Variants in FLCN observed in about 807,000 individuals in gnomAD.
FLCN encodes folliculin, also known as BHD skin lesion fibrofolliculoma protein.
A neutral mutation model predicts 62.5 loss-of-function variants in FLCN; 22 were observed. The ratio of observed to expected loss-of-function variants is 0.35; its 90% CI spans 0.25 to 0.50. The LOEUF (loss-of-function observed/expected upper bound fraction) is 0.50, where lower values mean the gene tolerates loss of function less well. Ranked by LOEUF, FLCN falls within the 20% of genes least tolerant of loss-of-function variation. The pLI, the probability that FLCN is intolerant of heterozygous loss-of-function variation, is 0.97. For synonymous variants in FLCN, 319 were observed against 310.0 expected (o/e 1.03, Z -0.30); for missense variants, 657 against 778.0 (o/e 0.84, Z 1.85).
At position 17,226,368 on chromosome 17, in the gene FLCN, C is replaced by A. The variant is rs560788586; in HGVS notation, c.250-46G>T. 97 of 1,611,580 alleles carry A rather than the reference C, an allele frequency of 6.0e-5. 2 individuals are homozygous for A. The South Asian group carries it at 7.0e-4, about 12-fold the overall frequency. On this transcript the variant is annotated intron_variant, in intron 4 of 13. Coordinates refer to ENST00000285071, the MANE Select transcript of FLCN (RefSeq NM_144997.7). The stretch of plus-strand genomic sequence containing the variant: ...TAAATCTGTTAGTTGGGAAGCAGGG[C>A]GACAAACTCTCTTAGGTTTATGCAA...
chr17:17,234,752 C>T (rs968926219), intron 1 of FLCN, among the ~76,000 whole-genome samples: 3 of 150,798 alleles, frequency 2.0e-5, no homozygotes, highest in African/African-American at 4.9e-5. Flanking sequence ...CCGAGGCAGG[C>T]GGACCACGAG....
Position 17,223,912 on chromosome 17 carries a change from C to A in FLCN, c.618+10G>T. On this transcript the variant is annotated intron_variant, in intron 6 of 13. Coordinates refer to ENST00000285071, the MANE Select transcript of FLCN (RefSeq NM_144997.7). ...CCCCTGCCGCCCCGGCACCTCATCT[C>A]TGAATTCACCTTGAGCGCCTTGCCC... 2 of 1,613,238 alleles carry A rather than the reference C, an allele frequency of 1.2e-6. No individual in the cohort carries two copies. The highest frequency in any genetic ancestry group is 1.1e-5 in the South Asian group (1 of 91,068).
chr17:17,216,344 G>A lies in FLCN; in HGVS notation c.1300+36C>T, dbSNP rs747151535. On this transcript the variant is annotated intron_variant, in intron 11 of 13. Transcript: ENST00000285071. This position sits in a 1 kb window ranked among gnomAD's most constrained non-coding sequence, Gnocchi z 4.0. ...GGCCTGAGGCGTGGGGAACCTCAGC[G>A]CAGGGCATGGCCCCACAGCCCGCGG... 1.6e-4 allele frequency: 251 copies of A among 1,611,694 alleles called. 1 individual carries two copies. Among genetic ancestry groups the A allele is most frequent in the Non-Finnish European group, 2.0e-4 (230 of 1,179,056 alleles).
chr17:17,224,001 A>G lies in FLCN; in HGVS notation c.539T>C (p.Ile180Thr). The change falls in exon 6 of 14, where the codon ATC (isoleucine) becomes ACC (threonine). Residue 180 changes from isoleucine (I) to threonine (T), a missense_variant. Transcript: ENST00000285071. ...YSIITIMMDR[I>T]YLINSWPFLL... ...GAAGGGCCAGGAGTTGATGAGGTAG[A>G]TCCGGTCCATCATGATGGTGATGAT... 1 of 1,613,732 alleles carries G rather than the reference A, an allele frequency of 6.2e-7. No homozygotes were observed. The highest frequency in any genetic ancestry group is 8.5e-7 in the Non-Finnish European group (1 of 1,180,036).
rs764899882 is a variant in FLCN at position 17,213,773 on chromosome 17, G to A, written c.1622C>T (p.Ala541Val). 10 of 1,614,106 alleles carry A rather than the reference G, an allele frequency of 6.2e-6. No individual in the cohort carries two copies. The highest frequency in any genetic ancestry group is 2.2e-5 in the South Asian group (2 of 91,092). ...DTQKLLSILG[A>V]SEEDNVKLLK... ...CAGCTTGACATTGTCCTCCTCGGAC[G>A]CACCCAGGATGCTCAGCAGCTTCTG... is the stretch of plus-strand genomic sequence containing the variant. Residue 541 changes from alanine to valine, a missense_variant, in exon 14 of 14, where the codon GCG becomes GTG. Coordinates refer to ENST00000285071, the MANE Select transcript of FLCN (RefSeq NM_144997.7).
rs780571501 is a variant in FLCN at position 17,216,420 on chromosome 17, G to A, written c.1260C>T (p.Leu420=). Residue 420 remains leucine (L), a synonymous_variant, in exon 11 of 14, where the codon CTC becomes CTT. Coordinates refer to ENST00000285071, the MANE Select transcript of FLCN (RefSeq NM_144997.7). This position sits in a 1 kb window ranked among gnomAD's most constrained non-coding sequence, Gnocchi z 4.0. ...GGGGGGGGATCTGCACGTGCGGGCT[G>A]AGCCCCAGGAAGTTGCACCGATAGG... ...EEAYRCNFLG[L]SPHVQIPPHV... 2.5e-6 allele frequency: 4 copies of A among 1,613,810 alleles called. No homozygotes were observed. In the Admixed American group the frequency reaches 6.7e-5, roughly 27 times the overall value.
chr17:17,227,584 G>T (rs527820714), intron 4 of FLCN, among the ~76,000 whole-genome samples: 1 of 152,134 alleles, frequency 6.6e-6, no homozygotes, highest in Non-Finnish European at 1.5e-5. Flanking sequence ...GTGGTGGCAG[G>T]CAAGTGTAAT....
chr17:17,234,214 G>GTT (rs1436629658), intron 1 of FLCN, among the ~76,000 whole-genome samples: 23 of 125,300 alleles, frequency 1.8e-4, no homozygotes, highest in East Asian at 7.1e-4. Flanking sequence ...TTTTTTTTTG[G>GTT]TTTGTTTTTT....
At chr17:17,230,892 G>T (rs938359459) in intron 3 of FLCN, among the ~76,000 whole-genome samples, 82 of 151,762 alleles carry the variant, frequency 5.4e-4, no homozygotes. Flanking sequence ...GTGAGACTTC[G>T]TCTCGAAAAA....
Position 17,213,755 on chromosome 17 carries a change from A to G in FLCN, c.1640T>C (p.Val547Ala). The G allele has an allele frequency of 6.2e-7, 1 of 1,614,216 alleles. No homozygotes were observed. The highest frequency in any genetic ancestry group is 8.5e-7 in the Non-Finnish European group (1 of 1,180,034). The stretch of plus-strand genomic sequence containing the variant: ...AGTCATCCAGAACTTCAGCAGCTTG[A>G]CATTGTCCTCCTCGGACGCACCCAG... ...SILGASEEDN[V>A]KLLKFWMTGL... Residue 547 changes from valine (V) to alanine (A), a missense_variant, in exon 14 of 14, where the codon GTC becomes GCC. Coordinates refer to ENST00000285071, the MANE Select transcript of FLCN (RefSeq NM_144997.7).
At chr17:17,226,911 G>T (rs2047267593) in intron 4 of FLCN, among the ~76,000 whole-genome samples, 1 of 152,200 alleles carries the variant, frequency 6.6e-6, no homozygotes, top group African/African-American at 2.4e-5. Flanking sequence ...CCCTGGAGCT[G>T]CTCCTACCCC....
chr17:17,216,362 G>A lies in FLCN; in HGVS notation c.1300+18C>T, dbSNP rs762556938. 12 of 1,612,780 alleles carry A rather than the reference G, an allele frequency of 7.4e-6. No homozygotes were observed. Among genetic ancestry groups the A allele is most frequent in the Non-Finnish European group, 1.0e-5 (12 of 1,179,524 alleles). ...CCTCAGCGCAGGGCATGGCCCCACA[G>A]CCCGCGGGGGCACGCACCTGAGGAG... is the stretch of plus-strand genomic sequence containing the variant. On this transcript the variant is annotated intron_variant, in intron 11 of 13. Coordinates refer to ENST00000285071, the MANE Select transcript of FLCN (RefSeq NM_144997.7). The surrounding 1 kb of genome is among the most constrained non-coding windows in gnomAD (Gnocchi z 4.0).
chr17:17,216,969 T>A lies in FLCN; in HGVS notation c.1176+100A>T. The A allele has an allele frequency of 1.1e-6, 1 of 879,032 alleles. No individual in the cohort carries two copies. 54.5% of individuals were successfully genotyped at this position (879,032 alleles called of 1,614,324 possible). ...TGGAGACCGTGTGGTGCACAGCGGT[T>A]CTGTGCTGGGCAGTCGGTGCACCTT... On this transcript the variant is annotated intron_variant, in intron 10 of 13. Transcript: ENST00000285071. The surrounding 1 kb of genome is among the most constrained non-coding windows in gnomAD (Gnocchi z 4.0).
chr17:17,227,633 C>T (rs2047291444), intron 4 of FLCN, among the ~76,000 whole-genome samples: 1 of 152,140 alleles, frequency 6.6e-6, no homozygotes, highest in Non-Finnish European at 1.5e-5. Context: ...ATTGCTTGAA[C>T]CCGGGAGGCA....
intron 5 of FLCN, chr17:17,224,566 G>A (rs1422137848): frequency 1.2e-5 from 4 of 322,296 alleles, no homozygotes; most frequent in Admixed American, 9.4e-5. Context: ...ATGGAGTCTC[G>A]CTCTTGTCAC....
At chr17:17,232,110 C>T (rs952000202) in intron 2 of FLCN, among the ~76,000 whole-genome samples, 23 of 152,162 alleles carry the variant, frequency 1.5e-4, no homozygotes, top group African/African-American at 5.3e-4. Context: ...GCCCTGAGAA[C>T]TCAGCAAAGA....
intron 9 of FLCN, 48 bp downstream of exon 9, chr17:17,218,971 A>T (rs1222883340): frequency 2.5e-6 from 4 of 1,603,520 alleles, no homozygotes; most frequent in Non-Finnish European, 3.4e-6. Flanking sequence ...ACAGCCCATG[A>T]CTGGCTCTCC....
rs1352297460 is a variant in FLCN at position 17,216,461 on chromosome 17, T to A, written c.1219A>T (p.Ser407Cys). Residue 407 changes from serine (S) to cysteine (C), a missense_variant, in exon 11 of 14, where the codon AGC becomes TGC. By Grantham distance (112) the Ser-to-Cys change is moderately radical (BLOSUM62 -1). Transcript: ENST00000285071. This position sits in a 1 kb window ranked among gnomAD's most constrained non-coding sequence, Gnocchi z 4.0. ...CACCGATAGGCCTCCTCGTACTGGC[T>A]GCTGTATGGGATGATGCGGACGCAG... ...VGCVRIIPYS[S>C]QYEEAYRCNF... The A allele has an allele frequency of 6.2e-7, 1 of 1,613,924 alleles. No homozygotes were observed.
At position 17,216,410 on chromosome 17, in the gene FLCN, C is replaced by T. The variant is rs1264775833; in HGVS notation, c.1270G>A (p.Val424Met). ...RCNFLGLSPH[V>M]QIPPHVLSSE... ...GAGAGCACGTGGGGGGGGATCTGCA[C>T]GTGCGGGCTGAGCCCCAGGAAGTTG... Residue 424 changes from valine (V) to methionine (M), a missense_variant, in exon 11 of 14, where the codon GTG (valine) becomes ATG (methionine). Coordinates refer to ENST00000285071, the MANE Select transcript of FLCN (RefSeq NM_144997.7). The surrounding 1 kb of genome is among the most constrained non-coding windows in gnomAD (Gnocchi z 4.0). The T allele has an allele frequency of 2.5e-6, 4 of 1,613,730 alleles. No homozygotes were observed. Among genetic ancestry groups the T allele is most frequent in the African/African-American group, 1.3e-5 (1 of 75,042 alleles).
Sources: allele counts gnomAD v4.1 joint callset (sites outside exome capture counted in the v4.1 genomes callset), GRCh38; gene constraint gnomAD v4.1.1; non-coding constraint Gnocchi (gnomAD v3.1); transcripts MANE v1.5; gene names NCBI Gene and HGNC (gene_info 2026-07-23, HGNC 2026-07-21).